Variants in PALB2 observed in about 807,000 individuals in gnomAD.
PALB2 encodes partner and localizer of BRCA2.
PALB2 carries 82 observed loss-of-function variants against 107.4 expected under a neutral mutation model. That is an observed-to-expected ratio of 0.76 (90% CI 0.64 to 0.92). The LOEUF is 0.92. Ranked by LOEUF, PALB2 falls within the 40% of genes least tolerant of loss-of-function variation. PALB2 has a pLI of 0.00. For missense variants in PALB2, 1,374 were observed against 1,379.9 expected, an observed-to-expected ratio of 1.00 and a Z score of 0.07; for synonymous variants, 489 against 496.8, an observed-to-expected ratio of 0.98 and a Z score of 0.21.
intron 10 of PALB2, among the ~76,000 whole-genome samples, chr16:23,618,084 T>C (rs79293155): frequency 0.033 from 5,087 of 152,172 alleles, 118 homozygotes; most frequent in Middle Eastern, 0.088. Context: ...GGATTGCTTG[T>C]GCCAAGGAGT....
chr16:23,637,576 G>A lies in PALB2; in HGVS notation c.211+274C>T, dbSNP rs13332044. ...CAATTAGTCAGGTGTGGTAGTGCACGTGCCTGTAGTCCCAGCTACTCAGGA... is the reference window on the plus strand; with the variant it reads ...CAATTAGTCAGGTGTGGTAGTGCACATGCCTGTAGTCCCAGCTACTCAGGA... On this transcript the variant is annotated intron_variant, in intron 3 of 12. Coordinates refer to ENST00000261584, the MANE Select transcript of PALB2 (RefSeq NM_024675.4). Among the ~76,000 whole-genome samples the A allele has an allele frequency of 0.046, 7,065 of 152,004 alleles. 572 individuals are homozygous for A. Among genetic ancestry groups the A allele is most frequent in the African/African-American group, 0.16 (6,601 of 41,418 alleles).
rs2142371092 is a variant in PALB2 at position 23,629,623 on chromosome 16, G to C, written c.2514+17C>G. 6.2e-7 allele frequency: 1 copy of C among 1,610,912 alleles called. No individual in the cohort carries two copies. Among genetic ancestry groups the C allele is most frequent in the Non-Finnish European group, 8.5e-7 (1 of 1,177,596 alleles). ...TCATTCCTTCAGAGAAAATTTCACA[G>C]AGGAAATGGATTGTACCTGTTCGAC... On this transcript the variant is annotated intron_variant, in intron 5 of 12. Transcript: ENST00000261584.
At chr16:23,637,506 C>T (rs562017852) in intron 3 of PALB2, among the ~76,000 whole-genome samples, 2 of 152,124 alleles carry the variant, frequency 1.3e-5, no homozygotes, top group African/African-American at 4.8e-5. Context: ...GGTTCAAGAC[C>T]GGCCTGGCCA....
At chr16:23,608,705 C>T (rs1320624766) in intron 11 of PALB2, among the ~76,000 whole-genome samples, 1 of 151,810 alleles carries the variant, frequency 6.6e-6, no homozygotes, top group East Asian at 1.9e-4. Context: ...GATACCATCA[C>T]CTATGGCTGT....
chr16:23,625,073 C>T (rs147099201), intron 7 of PALB2, among the ~76,000 whole-genome samples: 48 of 150,224 alleles, frequency 3.2e-4, no homozygotes, highest in African/African-American at 1.1e-3. Flanking sequence ...GAGCTCATGC[C>T]TGTAACCCCA....
rs1597090903 is a variant in PALB2 at position 23,630,272 on chromosome 16, TCA to T, written c.1880_1881del (p.Val627GlufsTer12). On this transcript the variant is annotated frameshift_variant, in exon 5 of 13. Coordinates refer to ENST00000261584, the MANE Select transcript of PALB2 (RefSeq NM_024675.4). LOFTEE classifies it high-confidence loss of function. ...TCCACTGGTTTTTCTGAGCAGGACT[TCA>T]CTTTTTCAAGCTTAAGAGGTCCAAA... is the stretch of plus-strand genomic sequence containing the variant. ...EDFGPLKLEK[V>X]KSCSEKPVEP... 6.2e-7 allele frequency: 1 copy of T among 1,614,108 alleles called. No homozygotes were observed. Among genetic ancestry groups the T allele is most frequent in the Non-Finnish European group, 8.5e-7 (1 of 1,179,988 alleles).
chr16:23,632,173 TG>T (rs1265654240), intron 4 of PALB2, among the ~76,000 whole-genome samples: 3 of 152,200 alleles, frequency 2.0e-5, no homozygotes, highest in Non-Finnish European at 1.5e-5. Flanking sequence ...CCAGGCTCAG[TG>T]GCTCACACCT....
Position 23,641,158 on chromosome 16 carries a change from C to T in PALB2, c.-1G>A, listed in dbSNP as rs1341292125. ...GGGGCTTCCCGGGAGGCTCGTCCATCGGGCAGGCGACAGAACGAAAAGAGC... is the reference window on the plus strand; with the variant it reads ...GGGGCTTCCCGGGAGGCTCGTCCATTGGGCAGGCGACAGAACGAAAAGAGC... On this transcript the variant is annotated 5_prime_UTR_variant, in exon 1 of 13. Transcript: ENST00000261584. 1 of 1,612,686 alleles carries T rather than the reference C, an allele frequency of 6.2e-7. No individual in the cohort carries two copies. The highest frequency in any genetic ancestry group is 8.5e-7 in the Non-Finnish European group (1 of 1,179,722).
chr16:23,635,473 G>A lies in PALB2; in HGVS notation c.1073C>T (p.Pro358Leu), dbSNP rs1555461462. Residue 358 changes from proline (P) to leucine (L), a missense_variant, in exon 4 of 13, where the codon CCC becomes CTC. Coordinates refer to ENST00000261584, the MANE Select transcript of PALB2 (RefSeq NM_024675.4). ...ATTCCTGCCATCAAGAGTGTCACTG[G>A]GAGATTTTAAAGATTTCTCTGTTTG... The part of the protein sequence containing the change: ...QNQTEKSLKS[P>L]SDTLDGRNEN... 5.6e-6 allele frequency: 9 copies of A among 1,614,050 alleles called. No individual in the cohort carries two copies. Among genetic ancestry groups the A allele is most frequent in the Non-Finnish European group, 7.6e-6 (9 of 1,179,982 alleles).
At chr16:23,623,267 A>C in intron 8 of PALB2, 137 bp from the exon 9 acceptor site, 1 of 776,168 alleles carries the variant, frequency 1.3e-6, no homozygotes, top group Non-Finnish European at 2.0e-6. Flanking sequence ...GCAGTGGCAC[A>C]ATCTTGGCTC....
chr16:23,624,216 G>C, intron 7 of PALB2, 122 bp from the exon 8 acceptor site: 1 of 714,686 alleles, frequency 1.4e-6, no homozygotes, highest in East Asian at 2.7e-5. Context: ...TTCATCATTT[G>C]AAGGCTCAGA....
At chr16:23,632,421 G>T (rs1308075108) in intron 4 of PALB2, among the ~76,000 whole-genome samples, 1 of 152,116 alleles carries the variant, frequency 6.6e-6, no homozygotes, top group African/African-American at 2.4e-5. Context: ...TCCAGCCTGG[G>T]CAACAGAGTG....
At chr16:23,613,544 T>G (rs1256300051) in intron 11 of PALB2, among the ~76,000 whole-genome samples, 5 of 151,764 alleles carry the variant, frequency 3.3e-5, no homozygotes, top group Admixed American at 3.3e-4. Flanking sequence ...CTTGGAAGAC[T>G]GAGGCAGGAC....
intron 5 of PALB2, 49 bp downstream of exon 5, chr16:23,629,591 A>T (rs2142370722): frequency 1.3e-6 from 2 of 1,551,174 alleles, no homozygotes; most frequent in Non-Finnish European, 1.8e-6. Context: ...ACATTCACTA[A>T]GGCATTTCAT....
At position 23,635,908 on chromosome 16, in the gene PALB2, A is replaced by C. The variant is rs1967032445; in HGVS notation, c.638T>G (p.Val213Gly). 1 of 1,614,100 alleles carries C rather than the reference A, an allele frequency of 6.2e-7. No homozygotes were observed. The highest frequency in any genetic ancestry group is 8.5e-7 in the Non-Finnish European group (1 of 1,180,010). ...TACACTGTCTTCATTAATTTCTGTAACTGGTTCTGGAGAATCTGGAAGTTC... is the reference window on the plus strand; with the variant it reads ...TACACTGTCTTCATTAATTTCTGTACCTGGTTCTGGAGAATCTGGAAGTTC... ...KSELPDSPEP[V>G]TEINEDSVLI... The change falls in exon 4 of 13, where the codon GTT (valine) becomes GGT (glycine). Residue 213 changes from valine to glycine, a missense_variant. Coordinates refer to ENST00000261584, the MANE Select transcript of PALB2 (RefSeq NM_024675.4).
rs187642874 is a variant in PALB2 at position 23,613,102 on chromosome 16, A to C, written c.3201+902T>G. On this transcript the variant is annotated intron_variant, in intron 11 of 12. Coordinates refer to ENST00000261584, the MANE Select transcript of PALB2 (RefSeq NM_024675.4). ...TATGTGCACAAAGTATATAATGATCAAGGCGGGGTATTTGGGGTACCCATC... is the reference window on the plus strand; with the variant it reads ...TATGTGCACAAAGTATATAATGATCCAGGCGGGGTATTTGGGGTACCCATC... Among the ~76,000 whole-genome samples the C allele has an allele frequency of 5.8e-3, 884 of 152,200 alleles. 40 individuals carry two copies. Among genetic ancestry groups the C allele is most frequent in the Admixed American group, 0.051 (778 of 15,250 alleles).
chr16:23,638,543 A>C (rs1211018554), intron 1 of PALB2: 1 of 460,236 alleles, frequency 2.2e-6, no homozygotes, highest in South Asian at 1.6e-5. Context: ...TCAGTCACTC[A>C]ACAAATGAAT....
intron 12 of PALB2, 114 bp downstream of exon 12, chr16:23,607,750 T>C (rs1032053004): frequency 5.2e-5 from 64 of 1,230,210 alleles, no homozygotes; most frequent in Admixed American, 1.7e-5. Context: ...TATCATGATA[T>C]ATAGTATTTC....
At position 23,603,313 on chromosome 16, in the gene PALB2, T is replaced by C. The variant is rs1005933814; in HGVS notation, c.*146A>G. ...ACATCCAAGATCAGTGGTGCTACCA[T>C]CATTAGAATAAAAAATAAGTCTGTC... On this transcript the variant is annotated 3_prime_UTR_variant, in exon 13 of 13. Transcript: ENST00000261584. 1.9e-5 allele frequency: 13 copies of C among 674,516 alleles called. No individual in the cohort carries two copies. Among genetic ancestry groups the C allele is most frequent in the Non-Finnish European group, 2.8e-5 (11 of 386,762 alleles). 41.8% of individuals were successfully genotyped at this position (674,516 alleles called of 1,614,324 possible).
Sources: allele counts gnomAD v4.1 joint callset (sites outside exome capture counted in the v4.1 genomes callset), GRCh38; gene constraint gnomAD v4.1.1; transcripts MANE v1.5; gene names NCBI Gene and HGNC (gene_info 2026-07-23, HGNC 2026-07-21).